Variants in MYL11 observed in about 807,000 individuals in gnomAD.
MYL11 encodes myosin regulatory light chain 11.
chr16:30,376,263 G>C, the MYL11 span: 1 of 1,604,170 alleles, frequency 6.2e-7, no homozygotes, highest in Non-Finnish European at 8.5e-7. Context: ...AGGCTGCAGA[G>C]TCTAGGAAAT....
the MYL11 span, chr16:30,377,687 C>A: frequency 6.4e-7 from 1 of 1,552,926 alleles, no homozygotes; most frequent in Admixed American, 1.9e-5. Context: ...AGTGTGACCG[C>A]TTCTCCCAGG....
At chr16:30,377,898 T>G in the MYL11 span, 1 of 1,602,740 alleles carries the variant, frequency 6.2e-7, no homozygotes, top group Admixed American at 1.7e-5. Context: ...GGACCAGGAG[T>G]AGGGGCACCC....
chr16:30,375,680 A>G, the MYL11 span: 1 of 663,968 alleles, frequency 1.5e-6, no homozygotes, highest in Non-Finnish European at 2.6e-6. Flanking sequence ...CTCAGCAAAG[A>G]GGTCCCAAGG....
chr16:30,373,334 G>A, the MYL11 span, among the ~76,000 whole-genome samples: 5 of 152,136 alleles, frequency 3.3e-5, no homozygotes, highest in Admixed American at 6.5e-5. Context: ...GGTGGCTCAC[G>A]CCTGTAATCC....
At chr16:30,374,534 C>A in the MYL11 span, among the ~76,000 whole-genome samples, 1 of 152,188 alleles carries the variant, frequency 6.6e-6, no homozygotes, top group Admixed American at 6.5e-5. Flanking sequence ...TGGGTTGCGT[C>A]CCCTCTAAAC....
At chr16:30,374,846 G>T in the MYL11 span, 6 of 1,613,412 alleles carry the variant, frequency 3.7e-6, no homozygotes, top group African/African-American at 8.0e-5. Context: ...TTGCCCCCCG[G>T]AGACTGAAGA....
chr16:30,374,982 C>T, the MYL11 span: 7 of 1,283,334 alleles, frequency 5.5e-6, no homozygotes, highest in African/African-American at 6.0e-5. Flanking sequence ...ATCTCTTTCT[C>T]GGCATCACTG....
At chr16:30,377,672 C>G in the MYL11 span, 1 of 1,533,876 alleles carries the variant, frequency 6.5e-7, no homozygotes, top group East Asian at 2.3e-5. Flanking sequence ...AGCTGCTGAC[C>G]ACGCAGTGTG....
the MYL11 span, chr16:30,375,741 T>G: frequency 8.1e-7 from 1 of 1,230,114 alleles, no homozygotes; most frequent in Non-Finnish European, 1.2e-6. Flanking sequence ...ACTCGAAGAA[T>G]TCTGACTCTT....
chr16:30,375,894 G>C, the MYL11 span: 2 of 1,614,006 alleles, frequency 1.2e-6, no homozygotes, highest in South Asian at 1.1e-5. Context: ...ACCAGACTCA[G>C]ATCCAGGAGT....
the MYL11 span, chr16:30,375,974 T>C: frequency 6.4e-7 from 1 of 1,562,156 alleles, no homozygotes; most frequent in Non-Finnish European, 8.8e-7. Context: ...GCCCTCTCCC[T>C]GGAATGTGCA....
chr16:30,374,358 G>T, the MYL11 span, among the ~76,000 whole-genome samples: 2 of 151,484 alleles, frequency 1.3e-5, no homozygotes. Flanking sequence ...TGTTGCCCAG[G>T]CTGGTCCTGA....
At chr16:30,376,048 G>A in the MYL11 span, 1 of 1,509,066 alleles carries the variant, frequency 6.6e-7, no homozygotes, top group African/African-American at 1.4e-5. Context: ...GGTGGAAGAG[G>A]ACAGTTGGCT....
the MYL11 span, chr16:30,377,602 G>C: frequency 2.1e-6 from 3 of 1,424,106 alleles, no homozygotes; most frequent in Admixed American, 8.0e-5. Flanking sequence ...GCGAGGGAGT[G>C]GAAAGGAACC....
At chr16:30,377,898 T>C in the MYL11 span, 2 of 1,602,622 alleles carry the variant, frequency 1.2e-6, no homozygotes, top group Non-Finnish European at 1.7e-6. Flanking sequence ...GGACCAGGAG[T>C]AGGGGCACCC....
the MYL11 span, among the ~76,000 whole-genome samples, chr16:30,373,549 T>C: frequency 1.4e-5 from 2 of 146,244 alleles, no homozygotes; most frequent in Admixed American, 1.4e-4. Context: ...TGAGCCAAGA[T>C]CACGCCACTG....
At chr16:30,375,384 G>A in the MYL11 span, among the ~76,000 whole-genome samples, 1 of 150,916 alleles carries the variant, frequency 6.6e-6, no homozygotes, top group African/African-American at 2.5e-5. Context: ...AGAATCGCTT[G>A]AACCCGGGAG....
At chr16:30,376,603 C>A in the MYL11 span, 1 of 1,614,062 alleles carries the variant, frequency 6.2e-7, no homozygotes, top group South Asian at 1.1e-5. Context: ...GCTTCATGTG[C>A]CCTCTGACCC....
At chr16:30,374,018 A>G in the MYL11 span, among the ~76,000 whole-genome samples, 6 of 152,170 alleles carry the variant, frequency 3.9e-5, no homozygotes, top group South Asian at 1.2e-3. Flanking sequence ...TATTAATTTA[A>G]AATAGAGACG....
Sources: gnomAD v4.1 joint callset for allele counts (sites outside exome capture counted in the v4.1 genomes callset) on GRCh38, gnomAD v4.1.1 for gene constraint, MANE v1.5 for transcripts, NCBI Gene and HGNC (gene_info 2026-07-23, HGNC 2026-07-21) for gene names.